The following FBN1 variants were observed in gnomAD, a reference collection of about 807,000 sequenced individuals.
FBN1 encodes the protein fibrillin-1.
A neutral mutation model predicts 365.1 loss-of-function variants in FBN1; 29 were observed. The observed-to-expected ratio is 0.08, with a 90% CI of 0.06 to 0.11. The LOEUF (loss-of-function observed/expected upper bound fraction) is 0.11. Among genes scored for constraint, FBN1 ranks in the 10% least tolerant of loss-of-function variants. The probability of loss-of-function intolerance (pLI) is 1.00; values close to 1 mark genes in which losing one functional copy is unlikely to be tolerated. For missense variants in FBN1, 2,476 were observed against 3,703.2 expected (o/e 0.67, Z 8.60); for synonymous variants, 1,210 against 1,270.5 (o/e 0.95, Z 1.01).
chr15:48,504,876 C>G, intron 16 of FBN1, 149 bp downstream of exon 16: 1 of 1,040,920 alleles, frequency 9.6e-7, no homozygotes, highest in Non-Finnish European at 1.5e-6. Context: ...TCAATTTACA[C>G]AAAAAGAGAA....
chr15:48,434,672 T>C lies in FBN1; in HGVS notation c.6538A>G (p.Thr2180Ala). The change falls in exon 54 of 66, where the codon ACC becomes GCC. Residue 2180 changes from threonine (T) to alanine (A), a missense_variant. This residue lies in a region of FBN1 where 1,780 missense variants were observed against 2,840.8 expected (regional missense o/e 0.63). Transcript: ENST00000316623. ...CSVGNPCGNG[T>A]CKNVIGGFEC... ...AAACCTCCAATCACATTCTTGCAGG[T>C]TCCATTTCCACAAGGATTGCCAACA... 6.2e-7 allele frequency: 1 copy of C among 1,613,780 alleles called. No individual in the cohort carries two copies. The highest frequency in any genetic ancestry group is 1.3e-5 in the African/African-American group (1 of 75,008).
intron 60 of FBN1, among the ~76,000 whole-genome samples, chr15:48,423,826 T>C (rs1027366766): frequency 2.0e-5 from 3 of 152,188 alleles, no homozygotes; most frequent in African/African-American, 4.8e-5. Context: ...TTGAACCTTA[T>C]GGGAAAAAAC....
chr15:48,537,308 A>G (rs1437218360), intron 7 of FBN1, among the ~76,000 whole-genome samples: 2 of 152,202 alleles, frequency 1.3e-5, no homozygotes, highest in East Asian at 3.8e-4. Flanking sequence ...GTGTTTCTAC[A>G]CAGCACTGCC....
intron 4 of FBN1, among the ~76,000 whole-genome samples, chr15:48,603,290 G>A (rs930552337): frequency 6.6e-6 from 1 of 152,168 alleles, no homozygotes; most frequent in Non-Finnish European, 1.5e-5. Flanking sequence ...GAATCCTTGG[G>A]GGAAGCCAGG....
chr15:48,508,908 C>T (rs1031774181), intron 14 of FBN1, among the ~76,000 whole-genome samples: 1 of 152,128 alleles, frequency 6.6e-6, no homozygotes, highest in African/African-American at 2.4e-5. Context: ...TGAGTTTTGG[C>T]ATGTGCATGC....
rs552820091 is a variant in FBN1, at chr15:48,456,421, A to G, written c.5422+216T>C. On this transcript the variant is annotated intron_variant, in intron 44 of 65. Coordinates refer to ENST00000316623, the MANE Select transcript of FBN1 (RefSeq NM_000138.5). ...ATATTAACACACTGTGTGTTGGGGG[A>G]AAGGGGCTGGGAATGTGCCTCCTGG... Among the ~76,000 whole-genome samples the G allele has an allele frequency of 1.4e-4, 22 of 152,274 alleles. 1 individual carries two copies. Among genetic ancestry groups the G allele is most frequent in the African/African-American group, 5.1e-4 (21 of 41,550 alleles).
chr15:48,445,005 T>C (rs2043142431), intron 48 of FBN1, among the ~76,000 whole-genome samples: 2 of 151,134 alleles, frequency 1.3e-5, no homozygotes, highest in South Asian at 4.2e-4. Context: ...AGAAGGGAAA[T>C]CACAATTGCT....
At chr15:48,521,906 G>A (rs756221404) in intron 9 of FBN1, among the ~76,000 whole-genome samples, 33 of 152,348 alleles carry the variant, frequency 2.2e-4, no homozygotes, top group Admixed American at 5.2e-4. Flanking sequence ...GGTCTGTGGC[G>A]TGTTAGGAAC....
intron 4 of FBN1, among the ~76,000 whole-genome samples, chr15:48,610,436 T>C (rs2044647702): frequency 6.6e-6 from 1 of 152,158 alleles, no homozygotes; most frequent in African/African-American, 2.4e-5. Flanking sequence ...TTTTATGGTG[T>C]TTACACTGGA....
At chr15:48,450,174 G>A (rs906722850) in intron 45 of FBN1, among the ~76,000 whole-genome samples, 2 of 152,156 alleles carry the variant, frequency 1.3e-5, no homozygotes, top group African/African-American at 2.4e-5. Flanking sequence ...ACTGATTTCC[G>A]ATCTTGAGGA....
chr15:48,568,727 G>C (rs916383630), intron 6 of FBN1, among the ~76,000 whole-genome samples: 12 of 151,968 alleles, frequency 7.9e-5, no homozygotes, highest in African/African-American at 2.9e-4. Context: ...AAAGTGTCAA[G>C]GAAATTCAAT....
intron 44 of FBN1, among the ~76,000 whole-genome samples, chr15:48,455,668 G>A (rs16960965): frequency 0.062 from 9,364 of 152,136 alleles, 880 homozygotes; most frequent in African/African-American, 0.2. Flanking sequence ...AGGAAGGCTC[G>A]GAAGGGCTAT....
At chr15:48,474,407 C>A (rs752346886) in intron 33 of FBN1, 30 bp from the exon 34 acceptor site, 1 of 1,613,862 alleles carries the variant, frequency 6.2e-7, no homozygotes, top group Non-Finnish European at 8.5e-7. Flanking sequence ...TCATTATTAA[C>A]AGAAAGGGTG....
At chr15:48,480,757 G>C (rs2043459596) in intron 32 of FBN1, among the ~76,000 whole-genome samples, 1 of 152,248 alleles carries the variant, frequency 6.6e-6, no homozygotes, top group South Asian at 2.1e-4. Context: ...TAAGTCATAA[G>C]AGCTTGCCAA....
chr15:48,463,888 C>T lies in FBN1; in HGVS notation c.5065+11G>A. 6.2e-7 allele frequency: 1 copy of T among 1,606,420 alleles called. No individual in the cohort carries two copies. Reference sequence around the variant, plus strand: ...ACCAAACATGCATTACTGAGAAAAGCTTGGACTTACCCATGCAATTATTTC... The same window carrying T: ...ACCAAACATGCATTACTGAGAAAAGTTTGGACTTACCCATGCAATTATTTC... On this transcript the variant is annotated intron_variant, in intron 41 of 65. Transcript: ENST00000316623.
rs2042970994 is a variant in FBN1 at position 48,425,386 on chromosome 15, T to A, written c.7436A>T (p.Asp2479Val). The stretch of plus-strand genomic sequence containing the variant: ...TACTTTACCTTTGCAGCTCCTTCCA[T>A]CCTCTTGCAGAATGTAGCCTTTCGG... ...SCPKGYILQE[D>V]GRSCKDLDEC... The change falls in exon 60 of 66, where the codon GAT becomes GTT. Residue 2479 changes from aspartate (D) to valine (V), a missense_variant. Transcript: ENST00000316623. The A allele has an allele frequency of 6.2e-7, 1 of 1,614,188 alleles. No homozygotes were observed. The highest frequency in any genetic ancestry group is 8.5e-7 in the Non-Finnish European group (1 of 1,180,016).
At chr15:48,500,587 T>C (rs778760909) in intron 17 of FBN1, among the ~76,000 whole-genome samples, 5 of 152,056 alleles carry the variant, frequency 3.3e-5, no homozygotes, top group Non-Finnish European at 5.9e-5. Context: ...AATAAGTAAA[T>C]AAAAGTATTA....
intron 36 of FBN1, among the ~76,000 whole-genome samples, chr15:48,469,747 C>A (rs1287696948): frequency 6.6e-6 from 1 of 152,012 alleles, no homozygotes; most frequent in Non-Finnish European, 1.5e-5. Flanking sequence ...TGATCTGGGG[C>A]ACGCAGGACA....
chr15:48,412,222 C>T (rs1023639165), intron 65 of FBN1, among the ~76,000 whole-genome samples: 8 of 152,210 alleles, frequency 5.3e-5, no homozygotes, highest in African/African-American at 1.9e-4. Flanking sequence ...ACTTGGCATT[C>T]CTATGTAGGG....
Sources: gnomAD v4.1 joint callset for allele counts (sites outside exome capture counted in the v4.1 genomes callset) on GRCh38, gnomAD v4.1.1 for gene constraint, gnomAD v4.1.1 regional missense constraint, MANE v1.5 for transcripts, NCBI Gene and HGNC (gene_info 2026-07-23, HGNC 2026-07-21) for gene names.